The following MEIS1 variants were observed in gnomAD, a reference collection of about 807,000 sequenced individuals.
MEIS1 encodes Meis homeobox 1.
MEIS1 carries 5 observed loss-of-function variants against 50.8 expected under a neutral mutation model. The ratio of observed to expected loss-of-function variants is 0.10; its 90% CI spans 0.05 to 0.21. The LOEUF is 0.21. Among genes scored for constraint, MEIS1 ranks in the 10% least tolerant of loss-of-function variants. The pLI is 1.00. For missense variants in MEIS1, 318 were observed against 517.3 expected, an observed-to-expected ratio of 0.61 and a Z score of 3.74; for synonymous variants, 176 against 179.3, an observed-to-expected ratio of 0.98 and a Z score of 0.15.
intron 8 of MEIS1, among the ~76,000 whole-genome samples, chr2:66,544,654 C>T (rs530345846): frequency 1.4e-4 from 22 of 152,090 alleles, no homozygotes; most frequent in African/African-American, 4.8e-4. Flanking sequence ...ATATATATCC[C>T]GAACAACTGA....
chr2:66,541,284 G>C (rs566504855), intron 8 of MEIS1, among the ~76,000 whole-genome samples: 44 of 151,900 alleles, frequency 2.9e-4, no homozygotes, highest in African/African-American at 8.7e-4. Context: ...TGATCCTCCC[G>C]TCTCGGCCTC....
At chr2:66,511,012 AT>A (rs139989148) in intron 7 of MEIS1, among the ~76,000 whole-genome samples, 8 of 148,768 alleles carry the variant, frequency 5.4e-5, no homozygotes, top group South Asian at 2.1e-4. Flanking sequence ...TCTTGGGTGT[AT>A]TTTTTTTTTA....
intron 6 of MEIS1, among the ~76,000 whole-genome samples, chr2:66,459,161 C>T (rs538998722): frequency 4.4e-4 from 67 of 152,198 alleles, no homozygotes; most frequent in Non-Finnish European, 8.4e-4. Flanking sequence ...AAGGTGGTAT[C>T]TGGGCTGTGC....
intron 8 of MEIS1, among the ~76,000 whole-genome samples, chr2:66,528,996 T>C (rs1674325186): frequency 6.6e-6 from 1 of 152,156 alleles, no homozygotes; most frequent in African/African-American, 2.4e-5. Flanking sequence ...CTGTGCACCT[T>C]ACATGCTGTT....
intron 7 of MEIS1, among the ~76,000 whole-genome samples, chr2:66,495,093 T>C (rs1278307418): frequency 2.0e-5 from 3 of 148,846 alleles, no homozygotes; most frequent in African/African-American, 4.9e-5. Flanking sequence ...TTTTTTTTTT[T>C]TTTTTTTTTT....
At chr2:66,510,101 G>A (rs73937938) in intron 7 of MEIS1, among the ~76,000 whole-genome samples, 4,186 of 152,178 alleles carry the variant, frequency 0.028, 208 homozygotes, top group African/African-American at 0.091. Flanking sequence ...TTTGCATATT[G>A]AAAGTGGATT....
intron 9 of MEIS1, among the ~76,000 whole-genome samples, chr2:66,563,510 G>T (rs1675268765): frequency 6.6e-6 from 1 of 152,094 alleles, no homozygotes; most frequent in Non-Finnish European, 1.5e-5. Context: ...GTGACAATAT[G>T]TTCATTTAAG....
At chr2:66,529,183 G>A (rs1333885917) in intron 8 of MEIS1, among the ~76,000 whole-genome samples, 1 of 152,192 alleles carries the variant, frequency 6.6e-6, no homozygotes, top group Non-Finnish European at 1.5e-5. Context: ...CTCTGATAGG[G>A]AGTGCTTATC....
chr2:66,503,171 A>G (rs994488901), intron 7 of MEIS1, among the ~76,000 whole-genome samples: 2 of 152,192 alleles, frequency 1.3e-5, no homozygotes, highest in Non-Finnish European at 2.9e-5. Flanking sequence ...CAAAATTTAC[A>G]TCATATTAGG....
At chr2:66,532,676 G>GA (rs1674423058) in intron 8 of MEIS1, among the ~76,000 whole-genome samples, 1 of 151,786 alleles carries the variant, frequency 6.6e-6, no homozygotes, top group African/African-American at 2.4e-5. Context: ...TAAAATAAAT[G>GA]AAGCCATTAA....
intron 5 of MEIS1, 66 bp from the exon 6 acceptor site, chr2:66,442,836 C>A: frequency 6.9e-7 from 1 of 1,442,748 alleles, no homozygotes. Context: ...GGGTGGATTG[C>A]ACTTGTCAAT....
intron 8 of MEIS1, among the ~76,000 whole-genome samples, chr2:66,522,478 A>G (rs4430933): frequency 0.59 from 89,127 of 152,092 alleles, 26,797 homozygotes; most frequent in South Asian, 0.78. Context: ...CCAACAATGT[A>G]TTTGATGAAA....
At chr2:66,562,521 A>G (rs905670299) in intron 9 of MEIS1, among the ~76,000 whole-genome samples, 1 of 152,144 alleles carries the variant, frequency 6.6e-6, no homozygotes, top group Non-Finnish European at 1.5e-5. Flanking sequence ...TCAGATTCCT[A>G]TAAAAAATTC....
chr2:66,516,293 T>C (rs996700689), intron 8 of MEIS1, among the ~76,000 whole-genome samples: 1 of 151,842 alleles, frequency 6.6e-6, no homozygotes, highest in Non-Finnish European at 1.5e-5. Context: ...GGGAGGGAGG[T>C]AGAAAGCATA....
chr2:66,528,617 ATTC>A, intron 8 of MEIS1, among the ~76,000 whole-genome samples: 1 of 152,102 alleles, frequency 6.6e-6, no homozygotes, highest in East Asian at 1.9e-4. Flanking sequence ...ACACTTCTCC[ATTC>A]TTCTTCCCAC....
intron 8 of MEIS1, among the ~76,000 whole-genome samples, chr2:66,538,203 A>G (rs1165104334): frequency 6.6e-6 from 1 of 152,222 alleles, no homozygotes; most frequent in Non-Finnish European, 1.5e-5. Flanking sequence ...GCAGAATAAC[A>G]CAGTAATTAA....
At chr2:66,508,104 A>C (rs1236138938) in intron 7 of MEIS1, among the ~76,000 whole-genome samples, 1 of 152,258 alleles carries the variant, frequency 6.6e-6, no homozygotes, top group African/African-American at 2.4e-5. Flanking sequence ...CATATAGTGC[A>C]TGGTTTTGAT....
chr2:66,449,149 G>A (rs182630720), intron 6 of MEIS1, among the ~76,000 whole-genome samples: 11 of 151,974 alleles, frequency 7.2e-5, no homozygotes, highest in African/African-American at 2.2e-4. Context: ...ACAGTTGTGC[G>A]GATGTTATTA....
intron 8 of MEIS1, among the ~76,000 whole-genome samples, chr2:66,520,692 A>G (rs1243833020): frequency 6.6e-6 from 1 of 152,258 alleles, no homozygotes; most frequent in African/African-American, 2.4e-5. Flanking sequence ...TTGTAATGCT[A>G]AATAAAAATG....
Sources: gnomAD v4.1 joint callset for allele counts (sites outside exome capture counted in the v4.1 genomes callset) on GRCh38, gnomAD v4.1.1 for gene constraint, MANE v1.5 for transcripts, NCBI Gene and HGNC (gene_info 2026-07-23, HGNC 2026-07-21) for gene names.